The following CFAP221 variants were observed in gnomAD, a reference collection of about 807,000 sequenced individuals.
CFAP221 encodes cilia and flagella associated protein 221.
Under a neutral mutation model 113.1 loss-of-function variants are expected in CFAP221, and 97 were observed. That is an observed-to-expected ratio of 0.86 (90% CI 0.73 to 1.02). The LOEUF is 1.02. Among genes scored for constraint, CFAP221 ranks in the 50% least tolerant of loss-of-function variants. The pLI, the probability that CFAP221 is intolerant of heterozygous loss-of-function variation, is 0.00. For missense variants in CFAP221, 1,025 were observed against 1,013.4 expected (o/e 1.01, Z -0.16); for synonymous variants, 331 against 354.4 (o/e 0.93, Z 0.74).
chr2:119,615,853 T>C (rs1685487233), intron 14 of CFAP221, 144 bp downstream of exon 14: 1 of 604,972 alleles, frequency 1.7e-6, no homozygotes, highest in Non-Finnish European at 2.8e-6. Flanking sequence ...ATCAGTCATT[T>C]TTAGTATATT....
intron 7 of CFAP221, among the ~76,000 whole-genome samples, chr2:119,589,340 T>C (rs2104623567): frequency 6.6e-6 from 1 of 152,372 alleles, no homozygotes; most frequent in Admixed American, 6.5e-5. Context: ...AGGCAATCTT[T>C]GTGCTTACTG....
chr2:119,596,651 A>C (rs1684003501), intron 7 of CFAP221, among the ~76,000 whole-genome samples: 1 of 152,250 alleles, frequency 6.6e-6, no homozygotes, highest in African/African-American at 2.4e-5. Flanking sequence ...TTCCAGTCAA[A>C]AAAGCTTGCG....
At chr2:119,548,844 T>G (rs1680224311) in intron 2 of CFAP221, among the ~76,000 whole-genome samples, 1 of 152,180 alleles carries the variant, frequency 6.6e-6, no homozygotes, top group African/African-American at 2.4e-5. Context: ...TAACAGACAA[T>G]CTACCTGACT....
intron 6 of CFAP221, among the ~76,000 whole-genome samples, chr2:119,565,192 G>A (rs1023554986): frequency 2.0e-5 from 3 of 151,928 alleles, no homozygotes; most frequent in South Asian, 2.1e-4. Context: ...TCCTGTGTTC[G>A]CTCACTCCTC....
At chr2:119,549,503 A>T (rs1025699684) in intron 3 of CFAP221, among the ~76,000 whole-genome samples, 1 of 152,212 alleles carries the variant, frequency 6.6e-6, no homozygotes, top group Non-Finnish European at 1.5e-5. Context: ...TGGAGGCTGC[A>T]TTATTCCTCT....
rs539896560 is a variant in CFAP221, at chr2:119,656,585, A to T, written c.*115A>T. The T allele has an allele frequency of 1.0e-4, 67 of 656,290 alleles. No individual in the cohort carries two copies. Among genetic ancestry groups the T allele is most frequent in the Non-Finnish European group, 1.7e-4 (62 of 366,998 alleles). The allele number at this position is 656,290 out of a possible 1,614,324, so 40.7% of individuals were successfully genotyped here. A position where few individuals can be genotyped will look rare whatever the true frequency, so the allele number is the denominator to read the frequency against. On this transcript the variant is annotated 3_prime_UTR_variant, in exon 24 of 24. Coordinates refer to ENST00000413369, the MANE Select transcript of CFAP221 (RefSeq NM_001271049.2). ...TAAAGTTTCTGGATAAAAAAATGAA[A>T]TGTAGAGGATGTATATATCTTTTAA... is the stretch of plus-strand genomic sequence containing the variant.
chr2:119,596,960 C>T (rs562330650), intron 7 of CFAP221, among the ~76,000 whole-genome samples: 1 of 152,230 alleles, frequency 6.6e-6, no homozygotes, highest in South Asian at 2.1e-4. Context: ...CTTTGGGACG[C>T]TCATCCCAGT....
At chr2:119,558,816 T>C (rs921013183) in intron 3 of CFAP221, among the ~76,000 whole-genome samples, 2 of 152,026 alleles carry the variant, frequency 1.3e-5, no homozygotes, top group African/African-American at 4.8e-5. Flanking sequence ...AGAAAGACCC[T>C]GTCTCAAAAA....
At chr2:119,632,626 C>T (rs1048367793) in intron 19 of CFAP221, among the ~76,000 whole-genome samples, 2 of 149,032 alleles carry the variant, frequency 1.3e-5, no homozygotes, top group Admixed American at 6.7e-5. Flanking sequence ...ATAAGTATAG[C>T]CAAGGTAACA....
Position 119,608,545 on chromosome 2 carries a change from A to G in CFAP221, c.1177A>G (p.Lys393Glu), listed in dbSNP as rs79983908. 1.8e-4 allele frequency: 295 copies of G among 1,613,900 alleles called. No homozygotes were observed. The highest frequency in any genetic ancestry group is 2.5e-4 in the Non-Finnish European group (292 of 1,179,910). ...GKDPMSFKLK[K>E]ELTEEWQKAC... ...AGATCCTATGTCTTTTAAACTTAAA[A>G]AAGAGCTTACTGAAGAGTGGCAAAA... The change falls in exon 12 of 24, where the codon AAA (lysine) becomes GAA (glutamate). Residue 393 changes from lysine to glutamate, a missense_variant. Lys to Glu is a moderately conservative substitution (Grantham distance 56, BLOSUM62 1). Transcript: ENST00000413369.
chr2:119,593,614 C>T (rs1232474222), intron 7 of CFAP221, among the ~76,000 whole-genome samples: 2 of 152,162 alleles, frequency 1.3e-5, no homozygotes, highest in African/African-American at 2.4e-5. Flanking sequence ...CCGAGGAGGG[C>T]GGATCACGAG....
chr2:119,619,682 C>A (rs1041924559), intron 14 of CFAP221, among the ~76,000 whole-genome samples: 1 of 152,182 alleles, frequency 6.6e-6, no homozygotes, highest in African/African-American at 2.4e-5. Flanking sequence ...TACCTCCTCT[C>A]CTCCAAAGGA....
At chr2:119,601,628 G>C (rs1411925339) in intron 8 of CFAP221, 1 of 394,144 alleles carries the variant, frequency 2.5e-6, no homozygotes, top group Non-Finnish European at 4.5e-6. Flanking sequence ...TTTTTTCACT[G>C]ATCACTACTG....
At chr2:119,545,535 C>G (rs1679988707) in intron 1 of CFAP221, among the ~76,000 whole-genome samples, 1 of 152,152 alleles carries the variant, frequency 6.6e-6, no homozygotes, top group Non-Finnish European at 1.5e-5. Context: ...CCTGGCTGGC[C>G]GTAGGTTTCA....
In CFAP221 at chr2:119,549,046, T is replaced by C. The variant is rs1025330975; in HGVS notation, c.140-39T>C. 3.1e-6 allele frequency: 4 copies of C among 1,286,524 alleles called. No homozygotes were observed. In the African/African-American group the frequency reaches 4.6e-5, roughly 15 times the overall value. 79.7% of individuals were successfully genotyped at this position (1,286,524 alleles called of 1,614,324 possible). A position where few individuals can be genotyped will look rare whatever the true frequency, so the allele number is the denominator to read the frequency against. Reference sequence around the variant, plus strand: ...ATCAACTTTAATTTAATATTTTCTTTGATGTCTCATGATGTGCTTATCTAC... The same window carrying C: ...ATCAACTTTAATTTAATATTTTCTTCGATGTCTCATGATGTGCTTATCTAC... On this transcript the variant is annotated intron_variant, in intron 2 of 23. Transcript: ENST00000413369.
In CFAP221 at chr2:119,629,887, C is replaced by T; in HGVS notation, c.1663C>T (p.Leu555Phe). Residue 555 changes from leucine to phenylalanine, a missense_variant, in exon 17 of 24, where the codon CTT (leucine) becomes TTT (phenylalanine). Transcript: ENST00000413369. ...QDSNELAPDG[L>F]GLVPIKSSEV... ...TTTCACATTTTAGGCTCCTGATGGC[C>T]TTGGACTGGTCCCAATTAAGTCTTC... is the stretch of plus-strand genomic sequence containing the variant. 1 of 1,613,102 alleles carries T rather than the reference C, an allele frequency of 6.2e-7. No individual in the cohort carries two copies. Among genetic ancestry groups the T allele is most frequent in the Non-Finnish European group, 8.5e-7 (1 of 1,179,196 alleles).
At chr2:119,639,297 G>A (rs1368910815) in intron 20 of CFAP221, among the ~76,000 whole-genome samples, 1 of 152,096 alleles carries the variant, frequency 6.6e-6, no homozygotes, top group Non-Finnish European at 1.5e-5. Context: ...CAATGCCCTC[G>A]TGACCTGCCT....
chr2:119,605,016 C>T (rs1193550982), intron 10 of CFAP221, 29 bp downstream of exon 10: 2 of 1,593,482 alleles, frequency 1.3e-6, no homozygotes, highest in Non-Finnish European at 1.7e-6. Flanking sequence ...ATAAAGCAGC[C>T]CCTGAGCAGA....
intron 14 of CFAP221, among the ~76,000 whole-genome samples, chr2:119,617,052 A>C (rs1685576742): frequency 1.3e-5 from 2 of 152,214 alleles, no homozygotes; most frequent in Admixed American, 1.3e-4. Context: ...ACTGTGCCTT[A>C]GTTTCCTCAC....
Sources: allele counts gnomAD v4.1 joint callset (sites outside exome capture counted in the v4.1 genomes callset), GRCh38; gene constraint gnomAD v4.1.1; transcripts MANE v1.5; gene names NCBI Gene and HGNC (gene_info 2026-07-23, HGNC 2026-07-21).